PTPA: variants seen among roughly 807,000 people sequenced by gnomAD.
The protein encoded by PTPA is protein phosphatase 2 phosphatase activator.
A neutral mutation model predicts 43.6 loss-of-function variants in PTPA; 13 were observed. That is an observed-to-expected ratio of 0.30 (90% CI 0.19 to 0.47). PTPA has a LOEUF of 0.47. PTPA is among the 20% of genes least tolerant of loss of function. PTPA has a pLI of 0.99. For missense variants in PTPA, 329 were observed against 411.9 expected (o/e 0.80, Z 1.74); for synonymous variants, 172 against 158.2 (o/e 1.09, Z -0.66).
At chr9:129,111,260 G>T (rs1044529982), upstream of PTPA, 2 of 1,176,266 alleles carry the variant, frequency 1.7e-6, no homozygotes, top group East Asian at 1.2e-4. Flanking sequence ...TGGCAGTCGC[G>T]GCGCCCGACG....
rs1588472836 is a variant in PTPA, at chr9:129,111,415, A to C, written c.-186A>C. The stretch of plus-strand genomic sequence containing the variant: ...TAGGCTTGCTCCCTGAGCGCCCCGC[A>C]CCGACATGGCGGCCGTCTTCGCTGT... On this transcript the variant is annotated 5_prime_UTR_variant, in exon 1 of 10. Coordinates refer to ENST00000393370, the MANE Select transcript of PTPA (RefSeq NM_178000.3). 8.2e-7 allele frequency: 1 copy of C among 1,223,402 alleles called. No individual in the cohort carries two copies. Among genetic ancestry groups the C allele is most frequent in the Non-Finnish European group, 1.0e-6 (1 of 975,076 alleles). The allele number at this position is 1,223,402 out of a possible 1,614,324, so 75.8% of individuals were successfully genotyped here.
Position 129,111,514 on chromosome 9 carries a change from G to T in PTPA, c.-87G>T. ...GTCTTCAGGAAGCTCGGAGCCTTTG[G>T]TGGAGCCGGGGAGAGGAAGGGTGGG... On this transcript the variant is annotated 5_prime_UTR_variant, in exon 1 of 10. Transcript: ENST00000393370. 1 of 1,272,850 alleles carries T rather than the reference G, an allele frequency of 7.9e-7. No homozygotes were observed. Among genetic ancestry groups the T allele is most frequent in the Non-Finnish European group, 1.0e-6 (1 of 1,001,230 alleles). 78.8% of individuals were successfully genotyped at this position (1,272,850 alleles called of 1,614,324 possible). A position where few individuals can be genotyped will look rare whatever the true frequency, so the allele number is the denominator to read the frequency against.
At chr9:129,132,797 T>C (rs34055941) in intron 5 of PTPA, among the ~76,000 whole-genome samples, 105,951 of 152,084 alleles carry the variant, frequency 0.7, 37,021 homozygotes, top group Non-Finnish European at 0.7. Flanking sequence ...TGCGCCCAGC[T>C]GATTGTTTTG....
intron 7 of PTPA, among the ~76,000 whole-genome samples, chr9:129,137,338 G>A (rs1284958003): frequency 1.3e-5 from 2 of 152,238 alleles, no homozygotes; most frequent in African/African-American, 4.8e-5. Flanking sequence ...AGGAGGAGGT[G>A]CTCTTCTTGT....
chr9:129,123,161 G>A (rs1849367104), intron 3 of PTPA, 23 bp downstream of exon 3: 1 of 1,573,094 alleles, frequency 6.4e-7, no homozygotes, highest in South Asian at 1.1e-5. Context: ...AGGAGCTGCT[G>A]CAGCAGCCTT....
chr9:129,147,786 T>G lies in PTPA; in HGVS notation c.*322T>G. On this transcript the variant is annotated 3_prime_UTR_variant, in exon 10 of 10. Coordinates refer to ENST00000393370, the MANE Select transcript of PTPA (RefSeq NM_178000.3). ...CCCTTCACTCCCGTCCAGTCTGGTT[T>G]TGAGAGCAGGGGCTGTTCTGCAGCA... is the stretch of plus-strand genomic sequence containing the variant. 1 of 343,436 alleles carries G rather than the reference T, an allele frequency of 2.9e-6. No individual in the cohort carries two copies. The highest frequency in any genetic ancestry group is 5.6e-6 in the Non-Finnish European group (1 of 179,780). 21.3% of individuals were successfully genotyped at this position (343,436 alleles called of 1,614,324 possible).
intron 1 of PTPA, among the ~76,000 whole-genome samples, chr9:129,116,587 G>A (rs1160561870): frequency 2.0e-5 from 3 of 152,014 alleles, no homozygotes; most frequent in Non-Finnish European, 4.4e-5. Context: ...GGGTTTCACC[G>A]TGTTAGCCAG....
chr9:129,120,890 T>C (rs1277122195), intron 2 of PTPA, among the ~76,000 whole-genome samples: 1 of 152,188 alleles, frequency 6.6e-6, no homozygotes, highest in Non-Finnish European at 1.5e-5. Flanking sequence ...AGTGTTGCTG[T>C]ATTGGCTGAA....
At chr9:129,127,215 G>A (rs576291597) in intron 3 of PTPA, among the ~76,000 whole-genome samples, 5 of 152,316 alleles carry the variant, frequency 3.3e-5, no homozygotes, top group South Asian at 4.1e-4. Flanking sequence ...CTAGATAAAG[G>A]GGAGATAAGA....
At chr9:129,144,578 AAT>A (rs1323197576) in intron 9 of PTPA, among the ~76,000 whole-genome samples, 1 of 151,804 alleles carries the variant, frequency 6.6e-6, no homozygotes, top group Non-Finnish European at 1.5e-5. Context: ...CTCTACTAAA[AAT>A]ATAAAAAAAT....
At position 129,120,573 on chromosome 9, in the gene PTPA, A is replaced by C. The variant is rs1279138793; in HGVS notation, c.92A>C (p.His31Pro). The C allele has an allele frequency of 3.1e-6, 5 of 1,613,722 alleles. No homozygotes were observed. ...QNFIIPKKEIHTVPDMGKWKR... is the reference protein window; with the variant it reads ...QNFIIPKKEIPTVPDMGKWKR... The stretch of plus-strand genomic sequence containing the variant: ...TTCATCATTCCAAAAAAGGAGATCC[A>C]CACAGTTCCAGACATGGGCAAATGG... The change falls in exon 2 of 10, where the codon CAC (histidine) becomes CCC (proline). Residue 31 changes from histidine to proline, a missense_variant. Transcript: ENST00000393370.
chr9:129,139,067 A>G (rs1850580458), intron 8 of PTPA, among the ~76,000 whole-genome samples: 1 of 152,198 alleles, frequency 6.6e-6, no homozygotes, highest in Non-Finnish European at 1.5e-5. Context: ...TGCAGATGCC[A>G]CACTGAGTTC....
intron 1 of PTPA, among the ~76,000 whole-genome samples, chr9:129,118,745 A>G (rs927402228): frequency 6.7e-5 from 10 of 148,534 alleles, no homozygotes; most frequent in African/African-American, 2.0e-4. Context: ...AAACTCCTGG[A>G]CTCAAGTGAT....
chr9:129,121,395 T>A (rs1849241437), intron 2 of PTPA, among the ~76,000 whole-genome samples: 1 of 152,222 alleles, frequency 6.6e-6, no homozygotes, highest in Admixed American at 6.5e-5. Flanking sequence ...GATTCCTTTT[T>A]CACAAGCCTG....
chr9:129,117,004 T>C (rs976924533), intron 1 of PTPA, among the ~76,000 whole-genome samples: 2 of 152,184 alleles, frequency 1.3e-5, no homozygotes, highest in Non-Finnish European at 2.9e-5. Flanking sequence ...AAAATTTCCA[T>C]TATGTGGGCA....
intron 3 of PTPA, among the ~76,000 whole-genome samples, chr9:129,124,155 C>T (rs1849429210): frequency 6.6e-6 from 1 of 152,166 alleles, no homozygotes; most frequent in Non-Finnish European, 1.5e-5. Context: ...CCCAGGAAAG[C>T]AAGAGCTTCT....
intron 9 of PTPA, among the ~76,000 whole-genome samples, chr9:129,145,515 G>T (rs1588543328): frequency 6.6e-6 from 1 of 152,186 alleles, no homozygotes; most frequent in African/African-American, 2.4e-5. Context: ...GCCCTCCAAG[G>T]CCTGCCAGTC....
intron 1 of PTPA, chr9:129,111,840 T>G (rs1588474065): frequency 8.4e-7 from 1 of 1,192,426 alleles, no homozygotes; most frequent in Non-Finnish European, 1.0e-6. Context: ...TGCAAAGGGG[T>G]GGTGATTGGG....
intron 5 of PTPA, among the ~76,000 whole-genome samples, chr9:129,134,296 CTTTTTT>C (rs68089837): frequency 3.5e-5 from 2 of 56,886 alleles, no homozygotes; most frequent in Admixed American, 5.3e-4. Flanking sequence ...ACTGGTAGTT[CTTTTTT>C]TTTTTTTTTT....
Sources: allele counts gnomAD v4.1 joint callset (sites outside exome capture counted in the v4.1 genomes callset), GRCh38; gene constraint gnomAD v4.1.1; transcripts MANE v1.5; gene names NCBI Gene and HGNC (gene_info 2026-07-23, HGNC 2026-07-21).